The following KCTD20 variants were observed in gnomAD, a reference collection of about 807,000 sequenced individuals.
The protein encoded by KCTD20 is BTB/POZ domain-containing protein KCTD20.
Under a neutral mutation model 39.6 loss-of-function variants are expected in KCTD20, and 30 were observed. The observed-to-expected ratio is 0.76, with a 90% confidence interval of 0.57 to 1.03. KCTD20 has a LOEUF of 1.03. Ranked by LOEUF, KCTD20 falls within the 50% of genes least tolerant of loss-of-function variation. The probability of loss-of-function intolerance (pLI) is 0.00; values close to 1 mark genes in which losing one functional copy is unlikely to be tolerated. For synonymous variants in KCTD20, 162 were observed against 180.6 expected, an observed-to-expected ratio of 0.90 and a Z score of 0.83; for missense variants, 422 against 522.0, an observed-to-expected ratio of 0.81 and a Z score of 1.87.
intron 6 of KCTD20, among the ~76,000 whole-genome samples, chr6:36,482,929 G>A (rs1776297757): frequency 7.4e-6 from 1 of 134,990 alleles, no homozygotes; most frequent in African/African-American, 2.9e-5. Context: ...CTGAGTGACA[G>A]AGCAAGACTA....
At chr6:36,481,849 A>G (rs896210984) in intron 6 of KCTD20, 90 bp downstream of exon 6, 6 of 1,108,714 alleles carry the variant, frequency 5.4e-6, no homozygotes, top group East Asian at 2.5e-5. Flanking sequence ...GTGAATATCA[A>G]TGTTGAGCCT....
At chr6:36,478,368 A>G (rs922425443) in intron 3 of KCTD20, among the ~76,000 whole-genome samples, 17 of 152,184 alleles carry the variant, frequency 1.1e-4, no homozygotes, top group Non-Finnish European at 2.2e-4. Context: ...GGGAGGAAGG[A>G]TGGGGAGAGG....
At chr6:36,483,266 T>TC (rs1270393966) in intron 6 of KCTD20, among the ~76,000 whole-genome samples, 3 of 142,066 alleles carry the variant, frequency 2.1e-5, no homozygotes, top group African/African-American at 8.0e-5. Flanking sequence ...GCTTTTTCTT[T>TC]TTTTTTTTTT....
chr6:36,476,305 T>G (rs1776059775), intron 3 of KCTD20, among the ~76,000 whole-genome samples: 2 of 152,322 alleles, frequency 1.3e-5, no homozygotes, highest in East Asian at 3.9e-4. Context: ...AACTCAGGAC[T>G]TTGAATTAAT....
intron 3 of KCTD20, among the ~76,000 whole-genome samples, chr6:36,478,766 T>TG (rs1229109586): frequency 6.6e-6 from 1 of 152,036 alleles, no homozygotes; most frequent in Non-Finnish European, 1.5e-5. Flanking sequence ...TCTTGGGCAG[T>TG]GGGGAGGGCA....
At chr6:36,462,557 C>T (rs1775631011) in intron 1 of KCTD20, among the ~76,000 whole-genome samples, 1 of 152,144 alleles carries the variant, frequency 6.6e-6, no homozygotes, top group African/African-American at 2.4e-5. Flanking sequence ...GGGAATGGGG[C>T]CCAAGAAGAT....
chr6:36,479,636 A>G lies in KCTD20; in HGVS notation c.583A>G (p.Ile195Val), dbSNP rs748850127. ...CATCAATTGTCCTGATGGCATCTCTATCCCAGATCTTAGAGATACTTGTGA... is the reference window on the plus strand; with the variant it reads ...CATCAATTGTCCTGATGGCATCTCTGTCCCAGATCTTAGAGATACTTGTGA... ...GIINCPDGISIPDLRDTCDYL... is the reference protein window; with the variant it reads ...GIINCPDGISVPDLRDTCDYL... The change falls in exon 5 of 8, where the codon ATC becomes GTC. Residue 195 changes from isoleucine to valine, a missense_variant. By Grantham distance (29) the Ile-to-Val change is conservative. Transcript: ENST00000373731. The G allele has an allele frequency of 1.9e-5, 30 of 1,609,878 alleles. No homozygotes were observed. The highest frequency in any genetic ancestry group is 4.0e-5 in the African/African-American group (3 of 74,854).
Position 36,485,488 on chromosome 6 carries a change from CTTTTT to C in KCTD20, c.967+684_967+688del, listed in dbSNP as rs34990483. On this transcript the variant is annotated intron_variant, in intron 7 of 7. Transcript: ENST00000373731. ...TTGGTCTCTCCTACGTGGAGTGGAT[CTTTTT>C]TTTTTTTTTTTTTTTTTTTGAGATG... 9.5e-3 allele frequency among the ~76,000 whole-genome samples: 926 copies of C among 97,068 alleles called. 7 individuals are homozygous for C. Among genetic ancestry groups the C allele is most frequent in the African/African-American group, 0.03 (752 of 25,452 alleles). 63.7% of individuals were successfully genotyped at this position (97,068 alleles called of 152,430 possible). A position where few individuals can be genotyped will look rare whatever the true frequency, so the allele number is the denominator to read the frequency against.
chr6:36,444,512 C>T (rs928820465), intron 1 of KCTD20, among the ~76,000 whole-genome samples: 20 of 152,028 alleles, frequency 1.3e-4, no homozygotes, highest in South Asian at 4.1e-4. Context: ...GAGCTTAATG[C>T]CATTAGGCCA....
At chr6:36,451,229 C>CTTT in intron 1 of KCTD20, 1 of 152,266 alleles carries the variant, frequency 6.6e-6, no homozygotes, top group Middle Eastern at 3.4e-3. Context: ...TTTTAAGAAA[C>CTTT]CATTCCAATG....
chr6:36,464,342 A>G (rs1775680932), intron 1 of KCTD20, among the ~76,000 whole-genome samples: 1 of 152,148 alleles, frequency 6.6e-6, no homozygotes, highest in Admixed American at 6.5e-5. Flanking sequence ...AATGAGAGAG[A>G]CTGGGTCTTG....
rs946350592 is a variant in KCTD20 at position 36,490,307 on chromosome 6, G to C, written c.*3132G>C. ...CCCAGCACTTTGGGAGGCCGAGGCC[G>C]GCAAATCACCTAAGGTCAGGAGTTC... is the stretch of plus-strand genomic sequence containing the variant. On this transcript the variant is annotated 3_prime_UTR_variant, in exon 8 of 8. Transcript: ENST00000373731. 1 of 152,192 alleles carries C rather than the reference G, an allele frequency of 6.6e-6. No homozygotes were observed. Among genetic ancestry groups the C allele is most frequent in the Non-Finnish European group, 1.5e-5 (1 of 68,088 alleles). 9.4% of individuals were successfully genotyped at this position (152,192 alleles called of 1,614,324 possible).
chr6:36,450,622 T>C (rs1260760906), intron 1 of KCTD20, among the ~76,000 whole-genome samples: 1 of 152,224 alleles, frequency 6.6e-6, no homozygotes. Flanking sequence ...AGAACCATGC[T>C]TACTTTTGTA....
chr6:36,456,101 G>A (rs528611235), intron 1 of KCTD20, among the ~76,000 whole-genome samples: 1 of 152,276 alleles, frequency 6.6e-6, no homozygotes, highest in Non-Finnish European at 1.5e-5. Context: ...GCGCTCTCCA[G>A]TAGGAGGTTT....
chr6:36,450,885 A>T (rs540799760), intron 1 of KCTD20: 2 of 152,308 alleles, frequency 1.3e-5, no homozygotes, highest in South Asian at 2.1e-4. Context: ...AGTTTTAAAA[A>T]TTTATTTTAT....
At chr6:36,448,005 A>ATG (rs771457738) in intron 1 of KCTD20, among the ~76,000 whole-genome samples, 10,421 of 130,170 alleles carry the variant, frequency 0.08, 557 homozygotes, top group Admixed American at 0.12. Context: ...ATATATGTGT[A>ATG]TGTGTGTGTG....
intron 1 of KCTD20, among the ~76,000 whole-genome samples, chr6:36,450,526 G>A (rs1190183967): frequency 1.3e-5 from 2 of 151,528 alleles, no homozygotes; most frequent in Non-Finnish European, 2.9e-5. Context: ...TGGGTAATCT[G>A]AATGCTCGTT....
intron 1 of KCTD20, among the ~76,000 whole-genome samples, chr6:36,462,338 A>G (rs926999729): frequency 6.6e-6 from 1 of 152,200 alleles, no homozygotes; most frequent in Non-Finnish European, 1.5e-5. Flanking sequence ...TCTTGATTAA[A>G]AAGGCCTCCC....
chr6:36,444,525 TCTC>T (rs771074409), intron 1 of KCTD20, among the ~76,000 whole-genome samples: 28 of 151,938 alleles, frequency 1.8e-4, no homozygotes, highest in Non-Finnish European at 3.2e-4. Flanking sequence ...TTAGGCCAAA[TCTC>T]CTCCGCCCAG....
Sources: gnomAD v4.1 joint callset for allele counts (sites outside exome capture counted in the v4.1 genomes callset) on GRCh38, gnomAD v4.1.1 for gene constraint, MANE v1.5 for transcripts, NCBI Gene and HGNC (gene_info 2026-07-23, HGNC 2026-07-21) for gene names.